ANGPT2: variants seen among roughly 807,000 people sequenced by gnomAD.
The protein encoded by ANGPT2 is angiopoietin 2.
ANGPT2 carries 28 observed loss-of-function variants against 62.9 expected under a neutral mutation model. The ratio of observed to expected loss-of-function variants is 0.44; its 90% CI spans 0.33 to 0.61. The LOEUF (loss-of-function observed/expected upper bound fraction) is 0.61. Among genes scored for constraint, ANGPT2 ranks in the 20% least tolerant of loss-of-function variants. The probability of loss-of-function intolerance (pLI) is 0.03; values close to 1 mark genes in which losing one functional copy is unlikely to be tolerated. For synonymous variants in ANGPT2, 284 were observed against 207.8 expected, an observed-to-expected ratio of 1.37 and a Z score of -3.15; for missense variants, 727 against 594.9, an observed-to-expected ratio of 1.22 and a Z score of -2.31.
intron 6 of ANGPT2, 145 bp from the exon 7 acceptor site, chr8:6,513,989 A>T (rs1815720572): frequency 2.6e-6 from 2 of 768,522 alleles, no homozygotes; most frequent in African/African-American, 3.6e-5. Flanking sequence ...GTCCTTCCCA[A>T]AGGAAAATGG....
At chr8:6,562,607 T>G in intron 1 of ANGPT2, 40 bp downstream of exon 1, 1 of 1,065,598 alleles carries the variant, frequency 9.4e-7, no homozygotes, top group Non-Finnish European at 1.3e-6. Context: ...AAGCTGATCT[T>G]AATAGCATGT....
intron 2 of ANGPT2, among the ~76,000 whole-genome samples, chr8:6,529,729 T>C (rs1379914773): frequency 1.3e-5 from 2 of 150,374 alleles, no homozygotes; most frequent in Non-Finnish European, 2.9e-5. Flanking sequence ...CCTCTCAAAG[T>C]GCTAGGATTA....
At position 6,503,081 on chromosome 8, in the gene ANGPT2, C is replaced by T. The variant is rs754213622; in HGVS notation, c.*20G>A. ...TCTTTGAAAATAGTTCGAGACAGTT[C>T]CTCAGGTGGACTGGGATGTTTAGAA... On this transcript the variant is annotated 3_prime_UTR_variant, in exon 9 of 9. Coordinates refer to ENST00000629816, the MANE Select transcript of ANGPT2 (RefSeq NM_001118887.2). The T allele has an allele frequency of 9.9e-6, 16 of 1,613,760 alleles. No homozygotes were observed. The East Asian group carries it at 1.8e-4, about 18-fold the overall frequency.
At position 6,499,944 on chromosome 8, in the gene ANGPT2, G is replaced by C; in HGVS notation, c.*3157C>G. The C allele has an allele frequency of 6.2e-7, 1 of 1,607,288 alleles. No individual in the cohort carries two copies. The highest frequency in any genetic ancestry group is 8.5e-7 in the Non-Finnish European group (1 of 1,174,140). ...CTGCAGCTCCCGTAAGTCAGATGTT[G>C]TTTTACGATGGTAAATGCAGTTTGC... On this transcript the variant is annotated 3_prime_UTR_variant, in exon 9 of 9. Transcript: ENST00000629816.
At chr8:6,532,522 T>A in intron 1 of ANGPT2, 35 bp from the exon 2 acceptor site, 1 of 1,521,272 alleles carries the variant, frequency 6.6e-7, no homozygotes, top group Non-Finnish European at 8.8e-7. Flanking sequence ...CAGTCATTAG[T>A]CAAATGACCG....
intron 1 of ANGPT2, among the ~76,000 whole-genome samples, chr8:6,535,892 C>CA (rs373792367): frequency 0.011 from 1,408 of 130,794 alleles, 8 homozygotes; most frequent in Non-Finnish European, 0.015. Flanking sequence ...ACAAAAAATA[C>CA]AAAAAAAAAA....
chr8:6,562,577 T>TTTTTTTTTTTTTTTTAAAAAAA, intron 1 of ANGPT2, 70 bp downstream of exon 1: 4 of 843,206 alleles, frequency 4.7e-6, no homozygotes, highest in Non-Finnish European at 6.6e-6. Flanking sequence ...TTTTTGGTTG[T>TTTTTTTTTTTTTTTTAAAAAAA]TAAAACCTGA....
chr8:6,535,594 A>G (rs1222842837), intron 1 of ANGPT2, among the ~76,000 whole-genome samples: 2 of 152,246 alleles, frequency 1.3e-5, no homozygotes, highest in African/African-American at 4.8e-5. Context: ...GCATATATGT[A>G]TATAGTGTCT....
chr8:6,540,465 G>T (rs1586493151), intron 1 of ANGPT2, among the ~76,000 whole-genome samples: 1 of 152,214 alleles, frequency 6.6e-6, no homozygotes, highest in African/African-American at 2.4e-5. Flanking sequence ...TCTTTTAGAG[G>T]TCTTGTAGGG....
chr8:6,503,398 G>A, intron 8 of ANGPT2, 137 bp from the exon 9 acceptor site: 1 of 794,710 alleles, frequency 1.3e-6, no homozygotes, highest in East Asian at 2.6e-5. Context: ...GTGAGTATAG[G>A]ATGTGCACTG....
At chr8:6,516,285 T>G (rs1303178345) in intron 5 of ANGPT2, among the ~76,000 whole-genome samples, 1 of 152,242 alleles carries the variant, frequency 6.6e-6, no homozygotes, top group East Asian at 1.9e-4. Flanking sequence ...CCAGATACTT[T>G]GTGTATATTA....
Position 6,503,029 on chromosome 8 carries a change from C to G in ANGPT2, c.*72G>C, listed in dbSNP as rs1268911996. On this transcript the variant is annotated 3_prime_UTR_variant, in exon 9 of 9. Coordinates refer to ENST00000629816, the MANE Select transcript of ANGPT2 (RefSeq NM_001118887.2). ...GGTGGAAGAGGACACAGTGCGCAGC[C>G]GTGACTTTCAGTGCACTGGGCTTAA... 6.4e-7 allele frequency: 1 copy of G among 1,571,050 alleles called. No individual in the cohort carries two copies. The highest frequency in any genetic ancestry group is 8.7e-7 in the Non-Finnish European group (1 of 1,150,360).
At chr8:6,551,958 C>G (rs1255949620) in intron 1 of ANGPT2, among the ~76,000 whole-genome samples, 1 of 152,184 alleles carries the variant, frequency 6.6e-6, no homozygotes, top group African/African-American at 2.4e-5. Flanking sequence ...TAATAAAACT[C>G]TAATACTTCA....
intron 8 of ANGPT2, among the ~76,000 whole-genome samples, chr8:6,506,862 T>C (rs952151254): frequency 1.3e-5 from 2 of 152,072 alleles, no homozygotes; most frequent in South Asian, 2.1e-4. Context: ...GAATTTCATA[T>C]TATTTTCATT....
chr8:6,554,990 G>T (rs951047814), intron 1 of ANGPT2, among the ~76,000 whole-genome samples: 1 of 152,176 alleles, frequency 6.6e-6, no homozygotes, highest in Non-Finnish European at 1.5e-5. Context: ...TGGCACACCT[G>T]ACCTAGAGTC....
chr8:6,511,494 G>T (rs1443889911), intron 7 of ANGPT2, among the ~76,000 whole-genome samples: 1 of 152,074 alleles, frequency 6.6e-6, no homozygotes, highest in African/African-American at 2.4e-5. Flanking sequence ...ATGCATTTAT[G>T]CATTTCTTAT....
intron 1 of ANGPT2, among the ~76,000 whole-genome samples, chr8:6,558,007 G>A (rs1416030903): frequency 6.6e-6 from 1 of 152,126 alleles, no homozygotes; most frequent in African/African-American, 2.4e-5. Flanking sequence ...CACAGGTGGT[G>A]TCTCTGTCTC....
chr8:6,560,676 A>C (rs547643152), intron 1 of ANGPT2, among the ~76,000 whole-genome samples: 24 of 152,332 alleles, frequency 1.6e-4, no homozygotes, highest in African/African-American at 5.3e-4. Flanking sequence ...CCATTGTGCT[A>C]CTGCTGTTCA....
chr8:6,509,590 G>A (rs970595989), intron 7 of ANGPT2, among the ~76,000 whole-genome samples: 1 of 152,112 alleles, frequency 6.6e-6, no homozygotes, highest in African/African-American at 2.4e-5. Flanking sequence ...TGTATAGTAG[G>A]GTAATGTAAT....
Sources: gnomAD v4.1 joint callset for allele counts (sites outside exome capture counted in the v4.1 genomes callset) on GRCh38, gnomAD v4.1.1 for gene constraint, MANE v1.5 for transcripts, NCBI Gene and HGNC (gene_info 2026-07-23, HGNC 2026-07-21) for gene names.